AXDND1: variants seen among roughly 807,000 people sequenced by gnomAD.
AXDND1 encodes the protein axonemal dynein light chain domain containing 1, also known as axonemal dynein light chain domain-containing protein 1.
AXDND1 carries 110 observed loss-of-function variants against 137.5 expected under a neutral mutation model. That is an observed-to-expected ratio of 0.80 (90% CI 0.69 to 0.94). The LOEUF (loss-of-function observed/expected upper bound fraction) is 0.94. Ranked by LOEUF, AXDND1 falls within the 40% of genes least tolerant of loss-of-function variation. AXDND1 has a pLI of 0.00. For synonymous variants in AXDND1, 414 were observed against 399.7 expected (o/e 1.04, Z -0.43); for missense variants, 1,191 against 1,169.8 (o/e 1.02, Z -0.26).
chr1:179,545,716 G>C (rs1450555928), intron 25 of AXDND1: 2 of 152,136 alleles, frequency 1.3e-5, no homozygotes, highest in African/African-American at 4.8e-5. Context: ...AAATCAGTAG[G>C]CCCCATCCCT....
chr1:179,448,147 T>C, intron 16 of AXDND1: 1 of 959,204 alleles, frequency 1.0e-6, no homozygotes, highest in Non-Finnish European at 1.7e-6. Context: ...ACACATGAAG[T>C]ATCAGGGTCT....
chr1:179,449,369 A>G (rs944858484), intron 16 of AXDND1: 2 of 253,208 alleles, frequency 7.9e-6, no homozygotes, highest in African/African-American at 2.4e-5. Flanking sequence ...TCTTAAGCCT[A>G]TTCTACTCAT....
chr1:179,456,636 T>TCAC, intron 16 of AXDND1: 1 of 845,394 alleles, frequency 1.2e-6, no homozygotes, highest in Non-Finnish European at 2.0e-6. Context: ...ACCATATCCA[T>TCAC]CACCACCACA....
At chr1:179,392,327 A>G (rs1285552794) in intron 9 of AXDND1, among the ~76,000 whole-genome samples, 1 of 152,242 alleles carries the variant, frequency 6.6e-6, no homozygotes, top group African/African-American at 2.4e-5. Context: ...ATAGCTAAGT[A>G]GTATTCCATA....
At chr1:179,405,820 C>G (rs1424598355) in intron 11 of AXDND1, among the ~76,000 whole-genome samples, 1 of 148,984 alleles carries the variant, frequency 6.7e-6, no homozygotes, top group Admixed American at 6.7e-5. Context: ...AAAAAGTTAA[C>G]TTTTTATTTT....
chr1:179,397,459 G>A (rs775444943), intron 11 of AXDND1, among the ~76,000 whole-genome samples: 5 of 152,044 alleles, frequency 3.3e-5, no homozygotes, highest in Non-Finnish European at 5.9e-5. Context: ...ATGATTATGT[G>A]CCTTGAGGAT....
At chr1:179,457,208 G>A in intron 16 of AXDND1, 1 of 743,568 alleles carries the variant, frequency 1.3e-6, no homozygotes. Flanking sequence ...TTACCACACA[G>A]TCCATGAGCA....
chr1:179,434,418 A>G (rs6669040), intron 15 of AXDND1, among the ~76,000 whole-genome samples: 50,199 of 152,076 alleles, frequency 0.33, 8,735 homozygotes, highest in Middle Eastern at 0.43. Context: ...ACTTCAGGCC[A>G]GTATCCCTGA....
At chr1:179,419,331 A>T (rs2125258393) in intron 12 of AXDND1, among the ~76,000 whole-genome samples, 1 of 152,074 alleles carries the variant, frequency 6.6e-6, no homozygotes, top group Admixed American at 6.5e-5. Context: ...ACCATTGAGC[A>T]CTGAGTGAAC....
chr1:179,544,537 G>T (rs952254220), intron 25 of AXDND1: 9 of 152,002 alleles, frequency 5.9e-5, no homozygotes, highest in Non-Finnish European at 1.3e-4. Flanking sequence ...GCCAGGCATG[G>T]TGGTGCGCAC....
intron 12 of AXDND1, among the ~76,000 whole-genome samples, chr1:179,426,597 C>T (rs1405441804): frequency 1.3e-5 from 2 of 152,108 alleles, no homozygotes; most frequent in African/African-American, 4.8e-5. Context: ...AAAAGTCATT[C>T]CATTCCTAAG....
rs566943371 is a variant in AXDND1, at chr1:179,366,329, C to T, written c.-106-75C>T. The T allele has an allele frequency of 2.1e-5, 11 of 516,718 alleles. No individual in the cohort carries two copies. The East Asian group carries it at 3.7e-4, about 17-fold the overall frequency. The allele number at this position is 516,718 out of a possible 1,614,324, so 32.0% of individuals were successfully genotyped here. ...AGAACCATGCTAGATGAATTCTAAA[C>T]TGCGATCTGAACCTAAGTACTCAAT... On this transcript the variant is annotated intron_variant, in intron 1 of 25. Transcript: ENST00000367618.
At chr1:179,442,405 C>G (rs1659120512) in intron 15 of AXDND1, among the ~76,000 whole-genome samples, 1 of 152,094 alleles carries the variant, frequency 6.6e-6, no homozygotes, top group Non-Finnish European at 1.5e-5. Flanking sequence ...ACTTTAAGAC[C>G]TTTTTGATGA....
intron 2 of AXDND1, among the ~76,000 whole-genome samples, chr1:179,368,140 CCTGACTGA>C (rs1362742008): frequency 1.3e-5 from 2 of 152,172 alleles, no homozygotes; most frequent in African/African-American, 2.4e-5. Context: ...CTCAACCCTA[CCTGACTGA>C]CTTCATAGGA....
At chr1:179,528,489 A>G (rs1215856185) in intron 23 of AXDND1, 58 bp downstream of exon 23, 1 of 1,205,892 alleles carries the variant, frequency 8.3e-7, no homozygotes, top group East Asian at 2.4e-5. Context: ...CATAAAAATG[A>G]TATGGTGCTA....
At chr1:179,480,609 A>G (rs937943191) in intron 17 of AXDND1, among the ~76,000 whole-genome samples, 9 of 152,174 alleles carry the variant, frequency 5.9e-5, no homozygotes, top group Non-Finnish European at 1.2e-4. Flanking sequence ...CCTGGTGTAT[A>G]TGTCACACTT....
intron 25 of AXDND1, among the ~76,000 whole-genome samples, chr1:179,550,363 C>G (rs934908150): frequency 1.3e-5 from 2 of 151,940 alleles, no homozygotes; most frequent in African/African-American, 4.8e-5. Context: ...TGTAGGTTAC[C>G]TAATATTATT....
rs113072196 is a variant in AXDND1 at position 179,447,585 on chromosome 1, G to A, written c.1798+2381G>A. 870 of 1,053,804 alleles carry A rather than the reference G, an allele frequency of 8.3e-4. 4 individuals are homozygous for A. In the African/African-American group the frequency reaches 0.012, roughly 15 times the overall value. The allele number at this position is 1,053,804 out of a possible 1,614,324, so 65.3% of individuals were successfully genotyped here. A position where few individuals can be genotyped will look rare whatever the true frequency, so the allele number is the denominator to read the frequency against. ...GTTTTAAAGAATGAAGTTGAAGAAA[G>A]GTTCAACTTACTAGTGGAGGTGTCA... On this transcript the variant is annotated intron_variant, in intron 16 of 25. Coordinates refer to ENST00000367618, the MANE Select transcript of AXDND1 (RefSeq NM_144696.6).
intron 12 of AXDND1, among the ~76,000 whole-genome samples, chr1:179,426,676 G>A (rs564194449): frequency 6.6e-5 from 10 of 152,162 alleles, no homozygotes; most frequent in African/African-American, 2.2e-4. Context: ...CAAAAATATT[G>A]AAATAATCTA....
Sources: gnomAD v4.1 joint callset for allele counts (sites outside exome capture counted in the v4.1 genomes callset) on GRCh38, gnomAD v4.1.1 for gene constraint, MANE v1.5 for transcripts, NCBI Gene and HGNC (gene_info 2026-07-23, HGNC 2026-07-21) for gene names.